Variants in NDRG2 observed in about 807,000 individuals in gnomAD.
NDRG2 encodes protein NDRG2.
Under a neutral mutation model 58.2 loss-of-function variants are expected in NDRG2, and 34 were observed. The observed-to-expected ratio is 0.58, with a 90% CI of 0.44 to 0.78. The LOEUF (loss-of-function observed/expected upper bound fraction) is 0.78, where lower values mean the gene tolerates loss of function less well. Among genes scored for constraint, NDRG2 ranks in the 30% least tolerant of loss-of-function variants. The pLI is 0.00. For synonymous variants in NDRG2, 187 were observed against 175.9 expected, an observed-to-expected ratio of 1.06 and a Z score of -0.50; for missense variants, 434 against 471.2, an observed-to-expected ratio of 0.92 and a Z score of 0.73.
chr14:21,039,336 C>T (rs1348384005), intron 1 of NDRG2, among the ~76,000 whole-genome samples: 3 of 152,190 alleles, frequency 2.0e-5, no homozygotes, highest in Non-Finnish European at 4.4e-5. Context: ...GTGACTTCGA[C>T]GATAGAATGA....
At chr14:21,058,223 AC>A (rs761471464) in intron 1 of NDRG2, 1 of 1,614,130 alleles carries the variant, frequency 6.2e-7, no homozygotes, top group Non-Finnish European at 8.5e-7. Flanking sequence ...GGGTGAGCTC[AC>A]CTCAGGGAAG....
chr14:21,027,725 C>T (rs1485419070), upstream of NDRG2, among the ~76,000 whole-genome samples: 1 of 152,176 alleles, frequency 6.6e-6, no homozygotes. Context: ...ATTCTAGGGC[C>T]CTTTGCAAGA....
upstream of NDRG2, chr14:21,030,403 G>C: frequency 1.6e-6 from 1 of 630,868 alleles, no homozygotes; most frequent in South Asian, 2.0e-5. Context: ...CTGTAGTTGC[G>C]TAGGTGCAAT....
chr14:21,034,192 A>G lies in NDRG2; in HGVS notation c.25-10871T>C, dbSNP rs1884459114. The G allele has an allele frequency of 1.2e-6, 2 of 1,614,014 alleles. No homozygotes were observed. The highest frequency in any genetic ancestry group is 2.7e-5 in the African/African-American group (2 of 74,902). Reference sequence around the variant, plus strand: ...CTGGGATAGTCAATGCTTAAGGTATAGAAGTTCCTGCTGCCAATCTGCATC... The same window carrying G: ...CTGGGATAGTCAATGCTTAAGGTATGGAAGTTCCTGCTGCCAATCTGCATC... On this transcript the variant is annotated intron_variant, in intron 1 of 14. Coordinates refer to the NDRG2 transcript ENST00000403829.
upstream of NDRG2, chr14:21,030,623 G>A (rs372539872): frequency 2.2e-5 from 35 of 1,613,816 alleles, no homozygotes; most frequent in South Asian, 4.4e-5. Flanking sequence ...GGTTTGCTGC[G>A]TTTGGAGAAT....
intron 1 of NDRG2, among the ~76,000 whole-genome samples, chr14:21,069,687 C>G (rs1254702955): frequency 1.3e-5 from 2 of 152,198 alleles, no homozygotes; most frequent in Non-Finnish European, 2.9e-5. Context: ...ATTCCAGGCC[C>G]GAGGAGATGG....
Position 21,057,852 on chromosome 14 carries a change from A to T in NDRG2, c.24+12976T>A, listed in dbSNP as rs749353066. ...CTCCCCCATGATGACCTATTCATCC[A>T]CCTACCTCCTCACTCTGTTCCACTG... On this transcript the variant is annotated intron_variant, in intron 1 of 14. Transcript: ENST00000403829. The T allele has an allele frequency of 3.2e-6, 5 of 1,563,568 alleles. No individual in the cohort carries two copies. In the Admixed American group the frequency reaches 8.5e-5, roughly 27 times the overall value.
chr14:21,029,786 G>A (rs1883935197), upstream of NDRG2, among the ~76,000 whole-genome samples: 1 of 152,092 alleles, frequency 6.6e-6, no homozygotes, highest in Non-Finnish European at 1.5e-5. Flanking sequence ...CAGCAAGAAG[G>A]TGCCATCTAT....
intron 1 of NDRG2, chr14:21,033,358 A>G (rs78511375): frequency 0.03 from 8,286 of 278,680 alleles, 250 homozygotes; most frequent in East Asian, 0.12. Context: ...ATATCCCCTG[A>G]GTAGGTGGGT....
intron 1 of NDRG2, among the ~76,000 whole-genome samples, chr14:21,047,949 TTTCC>T (rs1020343950): frequency 4.6e-5 from 7 of 152,058 alleles, no homozygotes; most frequent in African/African-American, 1.7e-4. Context: ...GCTCCAGGGA[TTTCC>T]TCTGCCTACA....
At chr14:21,052,199 G>A (rs1364406713) in intron 1 of NDRG2, among the ~76,000 whole-genome samples, 1 of 152,228 alleles carries the variant, frequency 6.6e-6, no homozygotes, top group Non-Finnish European at 1.5e-5. Flanking sequence ...GTTACTGAGT[G>A]CTCCTGTGAG....
intron 1 of NDRG2, among the ~76,000 whole-genome samples, chr14:21,054,504 T>C (rs1251865138): frequency 6.6e-6 from 1 of 152,182 alleles, no homozygotes; most frequent in East Asian, 1.9e-4. Flanking sequence ...AGGTGACTCT[T>C]AGCCCACAAG....
At chr14:21,029,531 A>T (rs1883917576), upstream of NDRG2, among the ~76,000 whole-genome samples, 1 of 152,164 alleles carries the variant, frequency 6.6e-6, no homozygotes, top group Non-Finnish European at 1.5e-5. Flanking sequence ...CTGGGACTGG[A>T]GGTTGCAGTG....
intron 1 of NDRG2, among the ~76,000 whole-genome samples, chr14:21,069,922 T>G (rs1302666731): frequency 6.6e-6 from 1 of 152,154 alleles, no homozygotes; most frequent in Non-Finnish European, 1.5e-5. Flanking sequence ...CCAAGGGAAT[T>G]CACGCACGCC....
In NDRG2 at chr14:21,018,157, G is replaced by A. The variant is rs202187534; in HGVS notation, c.897+47C>T. ...GCAAAGGGCAGAGCCCAGTGCCACC[G>A]GTATCCTATGTCCCTTCCCCATCCC... is the stretch of plus-strand genomic sequence containing the variant. On this transcript the variant is annotated intron_variant, in intron 14 of 15. Coordinates refer to ENST00000556147, the MANE Select transcript of NDRG2 (RefSeq NM_001320329.2). 1.5e-4 allele frequency: 246 copies of A among 1,609,516 alleles called. No individual in the cohort carries two copies. The East Asian group carries it at 5.2e-3, about 34-fold the overall frequency.
intron 1 of NDRG2, among the ~76,000 whole-genome samples, chr14:21,063,043 T>C (rs10142010): frequency 0.65 from 97,980 of 151,598 alleles, 31,881 homozygotes; most frequent in African/African-American, 0.66. Context: ...AGTGGGAGGA[T>C]TGCTTGAGCC....
chr14:21,024,571 T>C lies in NDRG2; in HGVS notation c.-548A>G, dbSNP rs905658796. ...ACAATTTAAAAACAAACACAAAGAT[T>C]GGTGCCGTCGCTTCTCTCCTCTACT... On this transcript the variant is annotated 5_prime_UTR_variant, in exon 1 of 16. Coordinates refer to ENST00000556147, the MANE Select transcript of NDRG2 (RefSeq NM_001320329.2). 1.0e-6 allele frequency: 1 copy of C among 985,322 alleles called. No homozygotes were observed. Among genetic ancestry groups the C allele is most frequent in the Non-Finnish European group, 1.2e-6 (1 of 829,964 alleles). 61.0% of individuals were successfully genotyped at this position (985,322 alleles called of 1,614,324 possible).
At chr14:21,031,987 G>A in intron 1 of NDRG2, 1 of 1,614,156 alleles carries the variant, frequency 6.2e-7, no homozygotes, top group South Asian at 1.1e-5. Context: ...GCAAGGGCAA[G>A]GGCATTGCGG....
intron 1 of NDRG2, chr14:21,034,184 T>G (rs780855007): frequency 2.5e-6 from 4 of 1,613,734 alleles, no homozygotes; most frequent in Non-Finnish European, 3.4e-6. Context: ...AGTCAATGCT[T>G]AAGGTATAGA....
Sources: allele counts gnomAD v4.1 joint callset (sites outside exome capture counted in the v4.1 genomes callset), GRCh38; gene constraint gnomAD v4.1.1; transcripts MANE v1.5; gene names NCBI Gene and HGNC (gene_info 2026-07-23, HGNC 2026-07-21).